The following DCAF5 variants were observed in gnomAD, a reference collection of about 807,000 sequenced individuals.
DCAF5 encodes DDB1 and CUL4 associated factor 5, also known as DDB1- and CUL4-associated factor 5.
Under a neutral mutation model 80.7 loss-of-function variants are expected in DCAF5, and 9 were observed. The observed-to-expected ratio is 0.11, with a 90% CI of 0.07 to 0.19. The LOEUF is 0.19. Among genes scored for constraint, DCAF5 ranks in the 10% least tolerant of loss-of-function variants. The pLI is 1.00. For missense variants in DCAF5, 842 were observed against 1,205.7 expected (o/e 0.70, Z 4.47); for synonymous variants, 433 against 461.9 (o/e 0.94, Z 0.80).
intron 1 of DCAF5, among the ~76,000 whole-genome samples, chr14:69,141,646 T>C (rs771306732): frequency 8.5e-5 from 13 of 152,172 alleles, no homozygotes; most frequent in African/African-American, 1.2e-4. Flanking sequence ...GGATAAATGA[T>C]TGGCTTGGTT....
intron 5 of DCAF5, among the ~76,000 whole-genome samples, chr14:69,092,560 G>A (rs1220984200): frequency 1.3e-5 from 2 of 152,216 alleles, no homozygotes; most frequent in African/African-American, 2.4e-5. Context: ...TGAAGCTGCA[G>A]TGAGCCATGG....
At position 69,123,768 on chromosome 14, in the gene DCAF5, G is replaced by A. The variant is rs536706111; in HGVS notation, c.215-1408C>T. ...GTATGCAGTGCAGTGGCGCAATCTCGGCTCACTGCAACCTCCACCTCCCAG... is the reference window on the plus strand; with the variant it reads ...GTATGCAGTGCAGTGGCGCAATCTCAGCTCACTGCAACCTCCACCTCCCAG... On this transcript the variant is annotated intron_variant, in intron 1 of 8. Transcript: ENST00000341516. Among the ~76,000 whole-genome samples, 219 of 152,060 alleles carry A rather than the reference G, an allele frequency of 1.4e-3. 5 individuals are homozygous for A. In the South Asian group the frequency reaches 0.028, roughly 20 times the overall value.
intron 5 of DCAF5, among the ~76,000 whole-genome samples, chr14:69,112,073 G>C (rs2040388008): frequency 1.3e-5 from 2 of 152,162 alleles, no homozygotes; most frequent in Admixed American, 6.5e-5. Context: ...TTTTTCAAGA[G>C]ATGTAAGAAA....
chr14:69,104,953 T>C (rs1317400927), intron 5 of DCAF5, among the ~76,000 whole-genome samples: 1 of 152,138 alleles, frequency 6.6e-6, no homozygotes, highest in Non-Finnish European at 1.5e-5. Flanking sequence ...TGAGTCCTGC[T>C]TCACAAAAAC....
chr14:69,095,907 T>C (rs912347730), intron 5 of DCAF5, among the ~76,000 whole-genome samples: 2 of 152,206 alleles, frequency 1.3e-5, no homozygotes, highest in Non-Finnish European at 2.9e-5. Context: ...GTCGAGGCAC[T>C]ACTATCCTAA....
chr14:69,132,444 G>A (rs1394128176), intron 1 of DCAF5, among the ~76,000 whole-genome samples: 1 of 152,072 alleles, frequency 6.6e-6, no homozygotes, highest in Non-Finnish European at 1.5e-5. Flanking sequence ...CAAACAGTTT[G>A]AGTTATCTTT....
At chr14:69,119,053 T>C (rs1223874089) in intron 3 of DCAF5, 141 bp downstream of exon 3, 3 of 734,076 alleles carry the variant, frequency 4.1e-6, no homozygotes, top group Non-Finnish European at 4.2e-6. Context: ...CAAACTATTG[T>C]AGGAATTTTT....
intron 1 of DCAF5, among the ~76,000 whole-genome samples, chr14:69,150,836 G>A (rs1210493645): frequency 1.3e-5 from 2 of 152,120 alleles, no homozygotes; most frequent in African/African-American, 4.8e-5. Flanking sequence ...AGGCTGCAGT[G>A]AGCAGTGAGT....
chr14:69,140,079 G>A (rs1275414), intron 1 of DCAF5, among the ~76,000 whole-genome samples: 100,340 of 151,850 alleles, frequency 0.66, 33,752 homozygotes, highest in East Asian at 0.97. Flanking sequence ...TAGCCTGGGC[G>A]ACGTAGAGAA....
intron 5 of DCAF5, among the ~76,000 whole-genome samples, chr14:69,106,138 C>A (rs2040149262): frequency 6.6e-6 from 1 of 151,208 alleles, no homozygotes; most frequent in Non-Finnish European, 1.5e-5. Context: ...CTCACTGCAA[C>A]CTCTGCCTCC....
intron 5 of DCAF5, among the ~76,000 whole-genome samples, chr14:69,094,593 G>A (rs2039638116): frequency 6.6e-6 from 1 of 152,148 alleles, no homozygotes; most frequent in South Asian, 2.1e-4. Context: ...CTGAAATCCA[G>A]AAAGTAAGTT....
chr14:69,098,727 C>CAAAAAAAAAAAAA (rs35501979), intron 5 of DCAF5, among the ~76,000 whole-genome samples: 1 of 92,484 alleles, frequency 1.1e-5, no homozygotes, highest in African/African-American at 4.5e-5. Context: ...ACTAAAAATA[C>CAAAAAAAAAAAAA]AAAAAAAAAA....
intron 1 of DCAF5, among the ~76,000 whole-genome samples, chr14:69,122,658 A>G (rs1196586600): frequency 6.6e-6 from 1 of 152,158 alleles, no homozygotes; most frequent in African/African-American, 2.4e-5. Flanking sequence ...AGTTGTTTAA[A>G]TATTTCTTCA....
intron 6 of DCAF5, chr14:69,084,591 TTG>T: frequency 1.2e-6 from 1 of 825,212 alleles, no homozygotes; most frequent in East Asian, 2.4e-5. Flanking sequence ...CAGGGATATG[TTG>T]TTTGTCCTTC....
chr14:69,117,134 T>C (rs1038523732), intron 4 of DCAF5, among the ~76,000 whole-genome samples: 80 of 152,170 alleles, frequency 5.3e-4, no homozygotes, highest in African/African-American at 1.9e-3. Context: ...ATGGGACCTG[T>C]TAGAGTAATA....
intron 7 of DCAF5, among the ~76,000 whole-genome samples, chr14:69,074,311 A>G (rs1374445919): frequency 6.6e-6 from 1 of 152,070 alleles, no homozygotes; most frequent in African/African-American, 2.4e-5. Context: ...AAAAACAGAC[A>G]TTTTTCTACC....
At chr14:69,128,339 A>G (rs1381680000) in intron 1 of DCAF5, among the ~76,000 whole-genome samples, 1 of 151,894 alleles carries the variant, frequency 6.6e-6, no homozygotes, top group African/African-American at 2.4e-5. Context: ...GGCAAGCACC[A>G]CCACACCCAG....
At chr14:69,097,884 C>T (rs182795468) in intron 5 of DCAF5, among the ~76,000 whole-genome samples, 10 of 152,082 alleles carry the variant, frequency 6.6e-5, no homozygotes, top group Admixed American at 4.6e-4. Context: ...CCACCATGCC[C>T]GGCCACCCAC....
chr14:69,135,654 T>C (rs1357596431), intron 1 of DCAF5, among the ~76,000 whole-genome samples: 1 of 152,226 alleles, frequency 6.6e-6, no homozygotes, highest in African/African-American at 2.4e-5. Context: ...TAATTGGCAG[T>C]ATTTGTAGCC....
Sources: allele counts gnomAD v4.1 joint callset (sites outside exome capture counted in the v4.1 genomes callset), GRCh38; gene constraint gnomAD v4.1.1; transcripts MANE v1.5; gene names NCBI Gene and HGNC (gene_info 2026-07-23, HGNC 2026-07-21).